FGD3: variants seen among roughly 807,000 people sequenced by gnomAD.
The protein encoded by FGD3 is FYVE, RhoGEF and PH domain containing 3.
Under a neutral mutation model 71.8 loss-of-function variants are expected in FGD3, and 45 were observed. That is an observed-to-expected ratio of 0.63 (90% confidence interval 0.49 to 0.80). FGD3 has a LOEUF of 0.80. FGD3 is among the 30% of genes least tolerant of loss of function. The pLI is 0.00. For synonymous variants in FGD3, 378 were observed against 392.8 expected (o/e 0.96, Z 0.44); for missense variants, 844 against 951.5 (o/e 0.89, Z 1.49).
intron 6 of FGD3, among the ~76,000 whole-genome samples, chr9:93,007,090 T>C (rs113011275): frequency 0.051 from 7,633 of 150,730 alleles, 278 homozygotes; most frequent in East Asian, 0.15. Flanking sequence ...TTTTATTCAT[T>C]TATTTTTTAA....
intron 7 of FGD3, 51 bp downstream of exon 7, chr9:93,010,435 A>C: frequency 6.5e-7 from 1 of 1,539,726 alleles, no homozygotes; most frequent in Non-Finnish European, 8.8e-7. Context: ...CCTGCCAAGA[A>C]CTCTGGGGGT....
intron 2 of FGD3, among the ~76,000 whole-genome samples, chr9:92,975,678 A>G (rs1859718550): frequency 6.6e-6 from 1 of 152,102 alleles, no homozygotes; most frequent in Non-Finnish European, 1.5e-5. Flanking sequence ...TCCTCTGGCA[A>G]GACGCACCTC....
intron 14 of FGD3, among the ~76,000 whole-genome samples, chr9:93,025,106 C>G (rs544244657): frequency 6.6e-6 from 1 of 152,320 alleles, no homozygotes; most frequent in Non-Finnish European, 1.5e-5. Flanking sequence ...CCAGCAGACC[C>G]GCTGTGCCTC....
At chr9:92,952,915 A>G (rs966708453) in intron 1 of FGD3, among the ~76,000 whole-genome samples, 1 of 152,202 alleles carries the variant, frequency 6.6e-6, no homozygotes, top group African/African-American at 2.4e-5. Context: ...GTGTTGTTGC[A>G]TTCTGAATAG....
At chr9:93,033,545 C>G (rs527401887) in intron 16 of FGD3, 1 of 158,486 alleles carries the variant, frequency 6.3e-6, no homozygotes, top group Non-Finnish European at 1.4e-5. Context: ...CTCCTCCACT[C>G]CTCTTTCTGA....
intron 1 of FGD3, among the ~76,000 whole-genome samples, chr9:92,957,677 C>CTTTT (rs60726578): frequency 2.0e-3 from 207 of 102,014 alleles, no homozygotes; most frequent in Non-Finnish European, 2.5e-3. Context: ...ATTTTCTTTT[C>CTTTT]TTTTTTTTTT....
chr9:92,957,274 C>T (rs887815456), intron 1 of FGD3, among the ~76,000 whole-genome samples: 2 of 152,148 alleles, frequency 1.3e-5, no homozygotes. Context: ...GAGAAAATGC[C>T]AAACAGTTTT....
At chr9:93,015,093 C>T (rs1861616606) in intron 9 of FGD3, among the ~76,000 whole-genome samples, 1 of 152,182 alleles carries the variant, frequency 6.6e-6, no homozygotes, top group African/African-American at 2.4e-5. Context: ...ATGAGTCTGG[C>T]TCCTTTAGCT....
chr9:93,035,188 T>C, intron 17 of FGD3, 150 bp from the exon 18 acceptor site: 2 of 1,154,674 alleles, frequency 1.7e-6, no homozygotes, highest in Non-Finnish European at 2.4e-6. Context: ...CAAAAGGCAG[T>C]GCAGGCACAG....
At chr9:92,964,398 T>C (rs922621501) in intron 1 of FGD3, 2 of 152,230 alleles carry the variant, frequency 1.3e-5, no homozygotes, top group African/African-American at 4.8e-5. Context: ...CCTGAGATCC[T>C]AACTGCTTTT....
Position 92,983,015 on chromosome 9 carries a change from G to A in FGD3, c.453+6306G>A, listed in dbSNP as rs1282401851. On this transcript the variant is annotated intron_variant, in intron 3 of 17. Transcript: ENST00000375482. ...GCAGGAGAATTGCTTGAACCTGGGA[G>A]GCAGAGGTCACAGTGAGCTGAGATC... is the stretch of plus-strand genomic sequence containing the variant. Among the ~76,000 whole-genome samples, 4 of 151,754 alleles carry A rather than the reference G, an allele frequency of 2.6e-5. No individual in the cohort carries two copies. The East Asian group carries it at 7.8e-4, about 30-fold the overall frequency.
Position 93,015,823 on chromosome 9 carries a change from C to A in FGD3, c.1269C>A (p.Gly423=). 1 of 1,614,080 alleles carries A rather than the reference C, an allele frequency of 6.2e-7. No individual in the cohort carries two copies. The highest frequency in any genetic ancestry group is 8.5e-7 in the Non-Finnish European group (1 of 1,179,964). Reference sequence around the variant, plus strand: ...TCCGGGAGAAGATGGACATCTCAGGCCTCCAGGTGGGTGAGCTCCTCCATC... The same window carrying A: ...TCCGGGAGAAGATGGACATCTCAGGACTCCAGGTGGGTGAGCTCCTCCATC... ...FSVREKMDIS[G]LQVQDIVKPN... is the part of the protein sequence containing the mutation. The change falls in exon 10 of 18, where the codon GGC becomes GGA. Residue 423 remains glycine, a synonymous_variant. Transcript: ENST00000375482.
At chr9:93,033,490 C>G (rs930905622) in intron 16 of FGD3, 1 of 161,258 alleles carries the variant, frequency 6.2e-6, no homozygotes, top group Non-Finnish European at 1.4e-5. Flanking sequence ...TCTCTCCCTC[C>G]TCCTCCCCCT....
At chr9:93,001,862 G>A (rs958733992) in intron 3 of FGD3, among the ~76,000 whole-genome samples, 2 of 152,174 alleles carry the variant, frequency 1.3e-5, no homozygotes, top group Non-Finnish European at 2.9e-5. Flanking sequence ...AATGAAGTCA[G>A]AGCCATCATG....
chr9:92,979,896 T>C (rs1008426938), intron 3 of FGD3, among the ~76,000 whole-genome samples: 1 of 152,164 alleles, frequency 6.6e-6, no homozygotes, highest in South Asian at 2.1e-4. Flanking sequence ...TCTTTTTATT[T>C]CTGTGGCACC....
At chr9:93,018,691 C>T (rs1376553987) in intron 11 of FGD3, among the ~76,000 whole-genome samples, 2 of 152,128 alleles carry the variant, frequency 1.3e-5, no homozygotes, top group African/African-American at 2.4e-5. Flanking sequence ...AACTTTCAAG[C>T]TTTAAGACCA....
At chr9:92,958,622 T>A (rs1463729619) in intron 1 of FGD3, among the ~76,000 whole-genome samples, 2 of 152,254 alleles carry the variant, frequency 1.3e-5, no homozygotes, top group East Asian at 3.8e-4. Flanking sequence ...CCTTTTATAC[T>A]CTAAGAAATC....
rs546173907 is a variant in FGD3, at chr9:93,036,160, A to C, written c.*571A>C. 1 of 152,652 alleles carries C rather than the reference A, an allele frequency of 6.6e-6. No individual in the cohort carries two copies. Among genetic ancestry groups the C allele is most frequent in the Non-Finnish European group, 1.5e-5 (1 of 68,348 alleles). The allele number at this position is 152,652 out of a possible 1,614,324, so 9.5% of individuals were successfully genotyped here. A position where few individuals can be genotyped will look rare whatever the true frequency, so the allele number is the denominator to read the frequency against. ...ACCCCAGCCACTGAGTGGCAGGCGC[A>C]TGAGATTTGTGGCTGTTCCTGATGC... On this transcript the variant is annotated 3_prime_UTR_variant, in exon 18 of 18. Coordinates refer to ENST00000375482, the MANE Select transcript of FGD3 (RefSeq NM_001083536.2).
Position 93,010,567 on chromosome 9 carries a change from A to G in FGD3, c.976+183A>G, listed in dbSNP as rs148454472. On this transcript the variant is annotated intron_variant, in intron 7 of 17. Transcript: ENST00000375482. ...GGGAGAGAGATGGAGACAGGGAGAG[A>G]GATAGGGAGATGTCAGGGAAAGAGA... 7.2e-3 allele frequency among the ~76,000 whole-genome samples: 1,078 copies of G among 150,464 alleles called. 13 individuals are homozygous for G. Among genetic ancestry groups the G allele is most frequent in the African/African-American group, 0.025 (1,016 of 40,668 alleles).
Sources: allele counts gnomAD v4.1 joint callset (sites outside exome capture counted in the v4.1 genomes callset), GRCh38; gene constraint gnomAD v4.1.1; transcripts MANE v1.5; gene names NCBI Gene and HGNC (gene_info 2026-07-23, HGNC 2026-07-21).